The following NRG2 variants were observed in gnomAD, a reference collection of about 807,000 sequenced individuals.
NRG2 encodes the protein pro-neuregulin-2, membrane-bound isoform.
A neutral mutation model predicts 73.9 loss-of-function variants in NRG2; 27 were observed. The ratio of observed to expected loss-of-function variants is 0.37; its 90% CI spans 0.27 to 0.50. NRG2 has a LOEUF of 0.50. Among genes scored for constraint, NRG2 ranks in the 20% least tolerant of loss-of-function variants. The pLI is 0.96. For missense variants in NRG2, 1,126 were observed against 1,210.1 expected (o/e 0.93, Z 1.03); for synonymous variants, 532 against 541.0 (o/e 0.98, Z 0.23).
Position 139,865,419 on chromosome 5 carries a change from AAAGAG to A in NRG2, c.1189+125_1189+129del. ...CTAACAAACCAAAATACAAAAAAGA[AAAGAG>A]AAACAAAACAAAACAGCCAAAGATC... On this transcript the variant is annotated intron_variant, in intron 5 of 9. Coordinates refer to ENST00000361474, the MANE Select transcript of NRG2 (RefSeq NM_004883.3). This position sits in a 1 kb window ranked among gnomAD's most constrained non-coding sequence, Gnocchi z 5.2. 1 of 763,886 alleles carries A rather than the reference AAAGAG, an allele frequency of 1.3e-6. No individual in the cohort carries two copies. Among genetic ancestry groups the A allele is most frequent in the Non-Finnish European group, 2.2e-6 (1 of 449,852 alleles). The allele number at this position is 763,886 out of a possible 1,614,324, so 47.3% of individuals were successfully genotyped here.
chr5:139,902,471 C>A (rs1419169179), intron 1 of NRG2, among the ~76,000 whole-genome samples: 1 of 152,150 alleles, frequency 6.6e-6, no homozygotes, highest in Non-Finnish European at 1.5e-5. Flanking sequence ...GTGTCCCCTT[C>A]TCTCTCCCCT....
intron 1 of NRG2, among the ~76,000 whole-genome samples, chr5:139,888,433 G>A (rs1581869982): frequency 6.6e-6 from 1 of 152,200 alleles, no homozygotes; most frequent in Non-Finnish European, 1.5e-5. Flanking sequence ...GCAGGATGGT[G>A]TCTGATTTTG....
At chr5:139,938,951 AAGAAAG>A (rs1377615443) in intron 1 of NRG2, among the ~76,000 whole-genome samples, 2 of 144,756 alleles carry the variant, frequency 1.4e-5, no homozygotes, top group South Asian at 2.3e-4. Context: ...GAAAGAAAGA[AAGAAAG>A]AAAAAAGAAG....
At chr5:139,938,892 GAAA>G (rs1753087247) in intron 1 of NRG2, among the ~76,000 whole-genome samples, 1 of 73,668 alleles carries the variant, frequency 1.4e-5, no homozygotes, top group Non-Finnish European at 2.5e-5. Context: ...AGGAAAGAAA[GAAA>G]GAAAGAAAGA....
intron 1 of NRG2, among the ~76,000 whole-genome samples, chr5:140,019,112 C>T (rs752561087): frequency 2.6e-4 from 39 of 152,286 alleles, no homozygotes; most frequent in Non-Finnish European, 4.3e-4. Flanking sequence ...AAACACAGCT[C>T]TGGGGAGAGG....
Position 139,853,560 on chromosome 5 carries a change from C to T in NRG2, c.1293-533G>A, listed in dbSNP as rs1310070878. Among the ~76,000 whole-genome samples the T allele has an allele frequency of 1.3e-5, 2 of 152,170 alleles. No homozygotes were observed. Among genetic ancestry groups the T allele is most frequent in the African/African-American group, 4.8e-5 (2 of 41,428 alleles). On this transcript the variant is annotated intron_variant, in intron 6 of 9. Transcript: ENST00000361474. The surrounding 1 kb of genome is among the most constrained non-coding windows in gnomAD (Gnocchi z 4.1). Reference sequence around the variant, plus strand: ...GCAGATGGTAAACACATAAACAAAGCAATGAACTAGATACTTTCAATAAAG... The same window carrying T: ...GCAGATGGTAAACACATAAACAAAGTAATGAACTAGATACTTTCAATAAAG...
chr5:139,882,494 G>T (rs529042427), intron 2 of NRG2, among the ~76,000 whole-genome samples: 1 of 152,264 alleles, frequency 6.6e-6, no homozygotes, highest in African/African-American at 2.4e-5. Flanking sequence ...TGTCTCCTTG[G>T]CCTGGTGCCG....
intron 1 of NRG2, among the ~76,000 whole-genome samples, chr5:139,982,900 G>T (rs1756918508): frequency 1.3e-5 from 2 of 152,138 alleles, no homozygotes; most frequent in Non-Finnish European, 2.9e-5. Flanking sequence ...GCCTTCATGG[G>T]GGTCCATCCC....
At chr5:139,888,374 G>A (rs1764007072) in intron 1 of NRG2, among the ~76,000 whole-genome samples, 2 of 152,220 alleles carry the variant, frequency 1.3e-5, no homozygotes, top group South Asian at 4.1e-4. Flanking sequence ...CAGCCACAGA[G>A]CTGGGACCAA....
At chr5:140,017,656 G>A (rs913380740) in intron 1 of NRG2, among the ~76,000 whole-genome samples, 10 of 152,194 alleles carry the variant, frequency 6.6e-5, no homozygotes, top group African/African-American at 1.9e-4. Flanking sequence ...GAGCAGTTTC[G>A]ATGGAGTCGG....
intron 1 of NRG2, among the ~76,000 whole-genome samples, chr5:140,005,108 C>T (rs1758786235): frequency 6.6e-6 from 1 of 152,106 alleles, no homozygotes; most frequent in Non-Finnish European, 1.5e-5. Context: ...TGGGTGGATT[C>T]CCCCACCTCC....
chr5:139,890,473 CTTTTTTT>C (rs11288649), intron 1 of NRG2, among the ~76,000 whole-genome samples: 3 of 106,032 alleles, frequency 2.8e-5, no homozygotes, highest in Non-Finnish European at 2.0e-5. Flanking sequence ...TTCTTTCTTT[CTTTTTTT>C]TTTTTTTTTT....
At chr5:139,956,206 G>A (rs1258020853) in intron 1 of NRG2, among the ~76,000 whole-genome samples, 3 of 152,016 alleles carry the variant, frequency 2.0e-5, no homozygotes, top group Non-Finnish European at 4.4e-5. Flanking sequence ...AGGAATCACT[G>A]TCAACAATCC....
chr5:139,959,622 CGCCTCG>C (rs1754911665), intron 1 of NRG2, among the ~76,000 whole-genome samples: 1 of 152,100 alleles, frequency 6.6e-6, no homozygotes, highest in Non-Finnish European at 1.5e-5. Context: ...ATCATCCACC[CGCCTCG>C]GCCTCCCAAA....
At chr5:140,011,545 C>T (rs1759369314) in intron 1 of NRG2, among the ~76,000 whole-genome samples, 1 of 152,188 alleles carries the variant, frequency 6.6e-6, no homozygotes, top group African/African-American at 2.4e-5. Context: ...CTCTCCCTCA[C>T]CTGCTCTGAG....
chr5:139,972,532 C>G (rs1382399473), intron 1 of NRG2, among the ~76,000 whole-genome samples: 1 of 152,204 alleles, frequency 6.6e-6, no homozygotes, highest in East Asian at 1.9e-4. Context: ...CAAGACCAGC[C>G]TGGCCAACAT....
chr5:139,904,696 C>G lies in NRG2; in HGVS notation c.701-17185G>C, dbSNP rs1765119754. Among the ~76,000 whole-genome samples, 1 of 152,134 alleles carries G rather than the reference C, an allele frequency of 6.6e-6. No individual in the cohort carries two copies. The highest frequency in any genetic ancestry group is 2.4e-5 in the African/African-American group (1 of 41,458). ...AACAGGGCGCCACAGACCTCCTCGC[C>G]GAAGAGGGGGCTTGAGCTGGGCTGG... On this transcript the variant is annotated intron_variant, in intron 1 of 9. Coordinates refer to ENST00000361474, the MANE Select transcript of NRG2 (RefSeq NM_004883.3). This position sits in a 1 kb window ranked among gnomAD's most constrained non-coding sequence, Gnocchi z 6.0.
At position 139,847,179 on chromosome 5, in the gene NRG2, G is replaced by GC. The variant is rs1218102867; in HGVS notation, c.*737_*738insG. ...AAACGAAGGTGCTGCAGAGGACGGA[G>GC]GGGCGTCCTGGAGGCTGTGGGGGAC... On this transcript the variant is annotated 3_prime_UTR_variant, in exon 10 of 10. Coordinates refer to ENST00000361474, the MANE Select transcript of NRG2 (RefSeq NM_004883.3). 6.6e-6 allele frequency: 1 copy of GC among 152,272 alleles called. No homozygotes were observed. The highest frequency in any genetic ancestry group is 2.4e-5 in the African/African-American group (1 of 41,434). 9.4% of individuals were successfully genotyped at this position (152,272 alleles called of 1,614,324 possible).
At chr5:139,959,145 G>A (rs1049565476) in intron 1 of NRG2, among the ~76,000 whole-genome samples, 1 of 152,194 alleles carries the variant, frequency 6.6e-6, no homozygotes. Context: ...ACAGGAGAGG[G>A]TGTTGGCCTT....
Sources: gnomAD v4.1 joint callset for allele counts (sites outside exome capture counted in the v4.1 genomes callset) on GRCh38, gnomAD v4.1.1 for gene constraint, Gnocchi (gnomAD v3.1) non-coding constraint, MANE v1.5 for transcripts, NCBI Gene and HGNC (gene_info 2026-07-23, HGNC 2026-07-21) for gene names.